Variants in IFT81 observed in about 807,000 individuals in gnomAD.
IFT81 encodes intraflagellar transport protein 81 homolog.
In IFT81, 72 loss-of-function variants were observed where a neutral mutation model predicts 102.6. The ratio of observed to expected loss-of-function variants is 0.70; its 90% CI spans 0.58 to 0.85. The LOEUF (loss-of-function observed/expected upper bound fraction) is 0.85, where lower values mean the gene tolerates loss of function less well. Ranked by LOEUF, IFT81 falls within the 40% of genes least tolerant of loss-of-function variation. The pLI, the probability that IFT81 is intolerant of heterozygous loss-of-function variation, is 0.00. For synonymous variants in IFT81, 237 were observed against 242.7 expected, an observed-to-expected ratio of 0.98 and a Z score of 0.22; for missense variants, 723 against 787.3, an observed-to-expected ratio of 0.92 and a Z score of 0.98.
intron 11 of IFT81, among the ~76,000 whole-genome samples, chr12:110,179,751 T>TAC (rs1897220065): frequency 2.0e-5 from 1 of 48,940 alleles, no homozygotes; most frequent in Non-Finnish European, 3.4e-5. Context: ...TATATATATA[T>TAC]ATATATATAT....
chr12:110,182,196 T>C (rs1897333675), intron 12 of IFT81, among the ~76,000 whole-genome samples: 1 of 152,146 alleles, frequency 6.6e-6, no homozygotes, highest in Admixed American at 6.5e-5. Context: ...TCTACTACAG[T>C]TCACCCCTTG....
intron 4 of IFT81, among the ~76,000 whole-genome samples, chr12:110,130,636 G>A (rs572829519): frequency 2.0e-4 from 30 of 152,036 alleles, no homozygotes; most frequent in Admixed American, 1.8e-3. Flanking sequence ...CAAAGTGCTG[G>A]GATTACAGGC....
At chr12:110,168,549 G>C in intron 11 of IFT81, 8 of 476,158 alleles carry the variant, frequency 1.7e-5, no homozygotes, top group Non-Finnish European at 2.2e-5. Flanking sequence ...CCTGTTTATG[G>C]TCTGATTATG....
intron 18 of IFT81, chr12:110,216,722 C>T (rs1431700108): frequency 2.5e-6 from 1 of 406,896 alleles, no homozygotes; most frequent in African/African-American, 2.1e-5. Context: ...GATGGGATTT[C>T]ACCATGTTGG....
chr12:110,179,805 C>CAT (rs1897239466), intron 11 of IFT81, among the ~76,000 whole-genome samples: 6 of 131,416 alleles, frequency 4.6e-5, no homozygotes, highest in Non-Finnish European at 8.1e-5. Flanking sequence ...CACACACACA[C>CAT]ATTTTATATG....
At chr12:110,131,861 A>T (rs1279567403) in intron 4 of IFT81, among the ~76,000 whole-genome samples, 1 of 152,184 alleles carries the variant, frequency 6.6e-6, no homozygotes, top group African/African-American at 2.4e-5. Context: ...CTTCTCTGAG[A>T]ATAGTAGAAT....
rs143757376 is a variant in IFT81 at position 110,135,141 on chromosome 12, G to A, written c.585+128G>A. 4.5e-5 allele frequency: 35 copies of A among 785,598 alleles called. No individual in the cohort carries two copies. In the East Asian group the frequency reaches 5.7e-4, roughly 13 times the overall value. The allele number at this position is 785,598 out of a possible 1,614,324, so 48.7% of individuals were successfully genotyped here. A position where few individuals can be genotyped will look rare whatever the true frequency, so the allele number is the denominator to read the frequency against. On this transcript the variant is annotated intron_variant, in intron 6 of 18. Transcript: ENST00000242591. ...GAGGATGGACTCAAATAACATTGAC[G>A]AAAAGGGAATCTCTCTAGACAGTAG...
At chr12:110,212,878 C>T (rs530295887) in intron 18 of IFT81, among the ~76,000 whole-genome samples, 1 of 151,980 alleles carries the variant, frequency 6.6e-6, no homozygotes, top group Non-Finnish European at 1.5e-5. Context: ...TGGAGATTTT[C>T]AAAACTATAT....
chr12:110,155,014 T>A (rs1231735579), intron 10 of IFT81, among the ~76,000 whole-genome samples: 1 of 150,214 alleles, frequency 6.7e-6, no homozygotes, highest in Non-Finnish European at 1.5e-5. Flanking sequence ...TTTTTCTGTG[T>A]TCAATTCTGT....
In IFT81 at chr12:110,205,631, A is replaced by G; in HGVS notation, c.1753A>G (p.Met585Val). 6.2e-7 allele frequency: 1 copy of G among 1,605,078 alleles called. No homozygotes were observed. The highest frequency in any genetic ancestry group is 8.5e-7 in the Non-Finnish European group (1 of 1,177,484). ...EVQLRRATDE[M>V]KAYISSDQQE... ...TCAACTTCGTCGTGCTACTGATGAG[A>G]TGAAGGCATATATCTCTTCTGATCA... The change falls in exon 17 of 19, where the codon ATG becomes GTG. Residue 585 changes from methionine (M) to valine (V), a missense_variant. By Grantham distance (21) the Met-to-Val change is conservative. Coordinates refer to ENST00000242591, the MANE Select transcript of IFT81 (RefSeq NM_014055.4).
At chr12:110,210,443 A>T (rs1167367688) in intron 18 of IFT81, among the ~76,000 whole-genome samples, 1 of 152,182 alleles carries the variant, frequency 6.6e-6, no homozygotes, top group Non-Finnish European at 1.5e-5. Context: ...TATTGAAAAT[A>T]ATGTTTTCTG....
intron 12 of IFT81, 91 bp downstream of exon 12, chr12:110,180,662 A>G (rs1488443549): frequency 1.3e-5 from 11 of 843,456 alleles, no homozygotes; most frequent in Admixed American, 2.8e-5. Context: ...TTTTTACTGG[A>G]AAAATGATAA....
chr12:110,136,271 T>TACATTAAAATATATTTC, intron 7 of IFT81, among the ~76,000 whole-genome samples: 1 of 152,392 alleles, frequency 6.6e-6, no homozygotes. Context: ...AGTAGACTTA[T>TACATTAAAATATATTTC]ACATTAAAAT....
At chr12:110,136,696 T>G (rs1221872307) in intron 7 of IFT81, 80 bp from the exon 8 acceptor site, 2 of 704,798 alleles carry the variant, frequency 2.8e-6, no homozygotes, top group Non-Finnish European at 4.6e-6. Flanking sequence ...TATATGGAAC[T>G]TGTATTTTTC....
chr12:110,198,583 A>G (rs1344377523), intron 14 of IFT81, among the ~76,000 whole-genome samples: 1 of 152,068 alleles, frequency 6.6e-6, no homozygotes, highest in African/African-American at 2.4e-5. Context: ...CCAGCTACTC[A>G]TACTAGAGAT....
At chr12:110,127,944 T>C (rs1469352289) in intron 2 of IFT81, 102 bp from the exon 3 acceptor site, 8 of 772,012 alleles carry the variant, frequency 1.0e-5, no homozygotes, top group South Asian at 3.3e-5. Flanking sequence ...GAAGAGACCA[T>C]TGTGCTGTTA....
At chr12:110,182,868 G>A (rs1255282639) in intron 12 of IFT81, among the ~76,000 whole-genome samples, 1 of 152,172 alleles carries the variant, frequency 6.6e-6, no homozygotes, top group Non-Finnish European at 1.5e-5. Context: ...GGGGATCATG[G>A]TTCGTGGTGA....
At chr12:110,194,489 G>C (rs1268498286) in intron 14 of IFT81, among the ~76,000 whole-genome samples, 1 of 151,784 alleles carries the variant, frequency 6.6e-6, no homozygotes, top group African/African-American at 2.4e-5. Context: ...TGCCAGGCTA[G>C]TCTCGAACTC....
In IFT81 at chr12:110,127,363, A is replaced by C. The variant is rs748135163; in HGVS notation, c.-18A>C. 2 of 1,502,778 alleles carry C rather than the reference A, an allele frequency of 1.3e-6. No homozygotes were observed. The highest frequency in any genetic ancestry group is 1.8e-6 in the Non-Finnish European group (2 of 1,131,722). 93.1% of individuals were successfully genotyped at this position (1,502,778 alleles called of 1,614,324 possible). A position where few individuals can be genotyped will look rare whatever the true frequency, so the allele number is the denominator to read the frequency against. ...TTTTTCTATTTTTACTCTTTAGTTA[A>C]AATTATAAGACCTAATTATGAGTGA... On this transcript the variant is annotated 5_prime_UTR_variant, in exon 2 of 19. Transcript: ENST00000242591.
Sources: gnomAD v4.1 joint callset for allele counts (sites outside exome capture counted in the v4.1 genomes callset) on GRCh38, gnomAD v4.1.1 for gene constraint, MANE v1.5 for transcripts, NCBI Gene and HGNC (gene_info 2026-07-23, HGNC 2026-07-21) for gene names.